Variants in H2BC18 observed in about 807,000 individuals in gnomAD.
H2BC18 encodes H2B clustered histone 18, also known as histone H2B type 2-F.
In H2BC18, 8 loss-of-function variants were observed where a neutral mutation model predicts 6.3. The observed-to-expected ratio is 1.28, with a 90% CI of 0.75 to 2.31. The LOEUF is 2.31. Among genes scored for constraint, H2BC18 ranks in the 30% most tolerant of loss-of-function variants. The pLI, the probability that H2BC18 is intolerant of heterozygous loss-of-function variation, is 0.00. For synonymous variants in H2BC18, 104 were observed against 78.1 expected, an observed-to-expected ratio of 1.33 and a Z score of -1.75; for missense variants, 106 against 174.5, an observed-to-expected ratio of 0.61 and a Z score of 2.21.
chr1:149,807,642 C>CA (rs2091932803), downstream of H2BC18, among the ~76,000 whole-genome samples: 1 of 149,592 alleles, frequency 6.7e-6, no homozygotes, highest in African/African-American at 2.5e-5. Context: ...CCCATTTCTA[C>CA]AAAAATACAA....
intron 1 of H2BC18, chr1:149,788,711 G>T (rs1297274458): frequency 6.6e-7 from 1 of 1,506,072 alleles, no homozygotes; most frequent in African/African-American, 1.4e-5. Flanking sequence ...TACAAGTGAA[G>T]AAACCGGGCT....
chr1:149,811,300 C>G (rs1233099296), downstream of H2BC18: 1 of 158,718 alleles, frequency 6.3e-6, no homozygotes, highest in East Asian at 1.9e-4. Flanking sequence ...AAAACATCTA[C>G]AGATATTGCC....
intron 1 of H2BC18, among the ~76,000 whole-genome samples, chr1:149,789,786 T>C (rs1456135488): frequency 6.6e-6 from 1 of 152,266 alleles, no homozygotes; most frequent in African/African-American, 2.4e-5. Flanking sequence ...GTGGAAAAGT[T>C]GCCTTCCACA....
At chr1:149,789,122 C>T (rs587635550) in intron 1 of H2BC18, among the ~76,000 whole-genome samples, 8,260 of 151,304 alleles carry the variant, frequency 0.055, 667 homozygotes, top group African/African-American at 0.18. Context: ...GACCCTTTCA[C>T]GGCCTTTCCT....
intron 1 of H2BC18, among the ~76,000 whole-genome samples, chr1:149,793,700 G>A (rs1379250884): frequency 3.3e-5 from 5 of 151,600 alleles, no homozygotes; most frequent in Non-Finnish European, 7.4e-5. Flanking sequence ...ACCGGCATTA[G>A]GTTGGGAGGG....
At chr1:149,808,315 T>C (rs1191812140), downstream of H2BC18, among the ~76,000 whole-genome samples, 1 of 152,230 alleles carries the variant, frequency 6.6e-6, no homozygotes, top group Non-Finnish European at 1.5e-5. Context: ...CTCCATCACT[T>C]AGCACAGTAG....
downstream of H2BC18, chr1:149,811,811 A>G: frequency 1.3e-6 from 1 of 759,418 alleles, no homozygotes; most frequent in Admixed American, 2.8e-5. Flanking sequence ...TGACCATGGT[A>G]ACACTCCCTA....
At position 149,784,657 on chromosome 1, in the gene H2BC18, T is replaced by A. The variant is rs1380851860; in HGVS notation, c.378-1397A>T. ...ACAAAACTGCTAATATATATATACATATTATGCATATATATGTATATATTA... is the reference window on the plus strand; with the variant it reads ...ACAAAACTGCTAATATATATATACAAATTATGCATATATATGTATATATTA... On this transcript the variant is annotated intron_variant, in intron 1 of 1. Transcript: ENST00000545683. Among the ~76,000 whole-genome samples the A allele has an allele frequency of 7.3e-3, 1,090 of 148,814 alleles. 9 individuals are homozygous for A. The highest frequency in any genetic ancestry group is 0.013 in the Non-Finnish European group (856 of 67,438).
In H2BC18 at chr1:149,812,225, G is replaced by A. The variant is rs1411673539; in HGVS notation, c.99C>T (p.Ser33=). The A allele has an allele frequency of 1.2e-6, 2 of 1,614,268 alleles. No homozygotes were observed. The highest frequency in any genetic ancestry group is 1.6e-4 in the Middle Eastern group (1 of 6,062). The change falls in exon 1 of 1, where the codon AGC becomes AGT. Residue 33 remains serine, a synonymous_variant. Transcript: ENST00000369167. ...QKKDGKKRKR[S]RKESYSVYVY... is the part of the protein sequence containing the mutation. ...CGTAAACGGAGTAGCTCTCCTTGCGGCTGCGCTTGCGCTTCTTGCCGTCCT... is the reference window on the plus strand; with the variant it reads ...CGTAAACGGAGTAGCTCTCCTTGCGACTGCGCTTGCGCTTCTTGCCGTCCT...
rs1485260747 is a variant in H2BC18 at position 149,792,298 on chromosome 1, G to A, written c.378-9038C>T. The A allele has an allele frequency of 4.2e-5, 10 of 236,874 alleles. No individual in the cohort carries two copies. In the Admixed American group the frequency reaches 5.0e-4, roughly 12 times the overall value. The allele number at this position is 236,874 out of a possible 1,614,324, so 14.7% of individuals were successfully genotyped here. ...AGAGACGCTTCAAGTGGGGAGAAGC[G>A]GCGATACCATAGAGTCCAGATCTTG... On this transcript the variant is annotated intron_variant, in intron 1 of 1. Transcript: ENST00000545683.
intron 1 of H2BC18, chr1:149,794,006 T>G (rs1189433011): frequency 1.3e-6 from 1 of 799,962 alleles, no homozygotes; most frequent in African/African-American, 1.8e-5. Context: ...CCAGACAGAA[T>G]GGAGGTATAG....
In H2BC18 at chr1:149,812,245, C is replaced by A. The variant is rs2091986511; in HGVS notation, c.79G>T (p.Gly27Cys). ...KAVTKVQKKD[G>C]KKRKRSRKES... is the part of the protein sequence containing the mutation. ...TTGCGGCTGCGCTTGCGCTTCTTGC[C>A]GTCCTTCTTCTGCACTTTCGTAACA... is the stretch of plus-strand genomic sequence containing the variant. The change falls in exon 1 of 1, where the codon GGC becomes TGC. Residue 27 changes from glycine (G) to cysteine (C), a missense_variant. Gly to Cys is a radical substitution (Grantham distance 159). Transcript: ENST00000369167. 6.2e-7 allele frequency: 1 copy of A among 1,614,256 alleles called. No homozygotes were observed. Among genetic ancestry groups the A allele is most frequent in the South Asian group, 1.1e-5 (1 of 91,088 alleles).
chr1:149,812,147 G>T lies in H2BC18; in HGVS notation c.177C>A (p.Ala59=), dbSNP rs782055162. 6.2e-7 allele frequency: 1 copy of T among 1,614,274 alleles called. No homozygotes were observed. Among genetic ancestry groups the T allele is most frequent in the Admixed American group, 1.7e-5 (1 of 60,030 alleles). The part of the protein sequence containing the change: ...VHPDTGISSK[A]MGIMNSFVND... ...TGACGAAGGAGTTCATGATGCCCAT[G>T]GCCTTGGACGAGATGCCGGTGTCGG... The change falls in exon 1 of 1, where the codon GCC becomes GCA. Residue 59 remains alanine, a synonymous_variant. Coordinates refer to ENST00000369167, the MANE Select transcript of H2BC18 (RefSeq NM_001024599.5).
chr1:149,793,232 G>C, intron 1 of H2BC18: 1 of 1,261,024 alleles, frequency 7.9e-7, no homozygotes, highest in South Asian at 1.3e-5. Flanking sequence ...CGCAAGAGCA[G>C]CCGGAGGCGG....
intron 1 of H2BC18, among the ~76,000 whole-genome samples, chr1:149,804,526 T>A (rs1212781274): frequency 6.6e-6 from 1 of 152,132 alleles, no homozygotes; most frequent in Non-Finnish European, 1.5e-5. Context: ...TCACTAGAAA[T>A]CTATTAAAGC....
intron 1 of H2BC18, chr1:149,791,341 C>T: frequency 6.3e-7 from 1 of 1,584,554 alleles, no homozygotes; most frequent in Non-Finnish European, 8.6e-7. Flanking sequence ...ACGTAAAGAA[C>T]TGAAAAGAAA....
At position 149,812,171 on chromosome 1, in the gene H2BC18, G is replaced by C. The variant is rs1431855647; in HGVS notation, c.153C>G (p.Pro51=). The change falls in exon 1 of 1, where the codon CCC becomes CCG. Residue 51 remains proline, a synonymous_variant. Transcript: ENST00000369167. ...TGGCCTTGGACGAGATGCCGGTGTCGGGGTGGACCTGCTTCAGCACCTTGT... is the reference window on the plus strand; with the variant it reads ...TGGCCTTGGACGAGATGCCGGTGTCCGGGTGGACCTGCTTCAGCACCTTGT... The part of the protein sequence containing the change: ...YVYKVLKQVH[P]DTGISSKAMG... 7 of 1,614,160 alleles carry C rather than the reference G, an allele frequency of 4.3e-6. No individual in the cohort carries two copies. The highest frequency in any genetic ancestry group is 3.3e-5 in the Admixed American group (2 of 60,018).
At chr1:149,807,172 C>A (rs1342363172), downstream of H2BC18, among the ~76,000 whole-genome samples, 2 of 152,048 alleles carry the variant, frequency 1.3e-5, no homozygotes, top group African/African-American at 4.8e-5. Flanking sequence ...TGATAAATTG[C>A]GTTTGGAAAA....
chr1:149,804,085 TA>T lies in H2BC18; in HGVS notation c.377+7861del, dbSNP rs1484881239. 2.0e-5 allele frequency: 3 copies of T among 152,208 alleles called. No homozygotes were observed. The East Asian group carries it at 5.8e-4, about 29-fold the overall frequency. 9.4% of individuals were successfully genotyped at this position (152,208 alleles called of 1,614,324 possible). The stretch of plus-strand genomic sequence containing the variant: ...TATTTGCACATTCTTCTTTTGGCTG[TA>T]AGTCTTGTTTTTCTCTATGCTAGCT... On this transcript the variant is annotated intron_variant, in intron 1 of 1. Transcript: ENST00000545683.
Sources: gnomAD v4.1 joint callset for allele counts (sites outside exome capture counted in the v4.1 genomes callset) on GRCh38, gnomAD v4.1.1 for gene constraint, MANE v1.5 for transcripts, NCBI Gene and HGNC (gene_info 2026-07-23, HGNC 2026-07-21) for gene names.